EDNRB: variants seen among roughly 807,000 people sequenced by gnomAD.
EDNRB encodes the protein Hirschsprung disease 2.
Under a neutral mutation model 46.4 loss-of-function variants are expected in EDNRB, and 18 were observed. That is an observed-to-expected ratio of 0.39 (90% CI 0.27 to 0.57). The LOEUF is 0.57. Among genes scored for constraint, EDNRB ranks in the 20% least tolerant of loss-of-function variants. The pLI, the probability that EDNRB is intolerant of heterozygous loss-of-function variation, is 0.61. For synonymous variants in EDNRB, 213 were observed against 204.9 expected, an observed-to-expected ratio of 1.04 and a Z score of -0.34; for missense variants, 434 against 537.5, an observed-to-expected ratio of 0.81 and a Z score of 1.90.
At chr13:77,909,933 G>T (rs1236902097) in intron 1 of EDNRB, among the ~76,000 whole-genome samples, 1 of 151,926 alleles carries the variant, frequency 6.6e-6, no homozygotes, top group Admixed American at 6.6e-5. Flanking sequence ...TTGAGAGTGG[G>T]CTGGACTCTT....
upstream of EDNRB, among the ~76,000 whole-genome samples, chr13:77,920,257 T>A (rs371580205): frequency 8.7e-4 from 133 of 152,332 alleles, 3 homozygotes; most frequent in South Asian, 0.027. Flanking sequence ...ATTTACCAGG[T>A]AGAGCAATAC....
At chr13:77,929,762 G>A (rs916615077) in intron 1 of EDNRB, among the ~76,000 whole-genome samples, 1 of 152,140 alleles carries the variant, frequency 6.6e-6, no homozygotes, top group Non-Finnish European at 1.5e-5. Context: ...CTGACTCCTG[G>A]CCATTTACCT....
chr13:77,923,561 G>T (rs1460315897), upstream of EDNRB, among the ~76,000 whole-genome samples: 1 of 152,074 alleles, frequency 6.6e-6, no homozygotes, highest in Non-Finnish European at 1.5e-5. Flanking sequence ...GCACTCTTTG[G>T]GGAGTTGTTA....
At chr13:77,913,545 G>T (rs1270028647) in intron 1 of EDNRB, among the ~76,000 whole-genome samples, 1 of 152,182 alleles carries the variant, frequency 6.6e-6, no homozygotes, top group African/African-American at 2.4e-5. Flanking sequence ...CATAAAGGAA[G>T]CTATATTTGA....
intron 1 of EDNRB, among the ~76,000 whole-genome samples, chr13:77,906,451 T>G (rs964777498): frequency 1.1e-4 from 17 of 152,054 alleles, no homozygotes; most frequent in African/African-American, 3.9e-4. Context: ...TGATTTGTTT[T>G]CAATGAATAC....
At chr13:77,913,950 C>T (rs1428270732) in intron 1 of EDNRB, among the ~76,000 whole-genome samples, 2 of 152,180 alleles carry the variant, frequency 1.3e-5, no homozygotes, top group South Asian at 2.1e-4. Flanking sequence ...GTCAGGTAGT[C>T]AAGCACTGGC....
intron 1 of EDNRB, chr13:77,944,973 T>C (rs920957379): frequency 1.3e-5 from 2 of 152,192 alleles, no homozygotes; most frequent in Non-Finnish European, 2.9e-5. Context: ...TAGGTAATTG[T>C]GTTTTTTTAG....
At chr13:77,960,255 A>C (rs1881365273) in intron 1 of EDNRB, among the ~76,000 whole-genome samples, 1 of 152,226 alleles carries the variant, frequency 6.6e-6, no homozygotes, top group African/African-American at 2.4e-5. Flanking sequence ...CAAAGTTGAA[A>C]TGAAGGAAAA....
At chr13:77,944,894 AAAAGTTTT>A (rs1236729326) in intron 1 of EDNRB, 4 of 152,182 alleles carry the variant, frequency 2.6e-5, no homozygotes, top group African/African-American at 9.7e-5. Context: ...GACATGGGAG[AAAAGTTTT>A]AAAGTTAGTA....
chr13:77,931,646 GA>G (rs1404136611), intron 1 of EDNRB, among the ~76,000 whole-genome samples: 12 of 151,102 alleles, frequency 7.9e-5, no homozygotes, highest in African/African-American at 2.7e-4. Flanking sequence ...CCAAGAGAGG[GA>G]GAGAAGCACT....
chr13:77,956,644 G>A (rs1399695812), intron 1 of EDNRB, among the ~76,000 whole-genome samples: 1 of 152,170 alleles, frequency 6.6e-6, no homozygotes, highest in African/African-American at 2.4e-5. Flanking sequence ...TTATTATTGT[G>A]CAGTAGGTCA....
chr13:77,938,429 T>TG (rs937319044), intron 1 of EDNRB, among the ~76,000 whole-genome samples: 1 of 141,942 alleles, frequency 7.0e-6, no homozygotes, highest in Non-Finnish European at 1.5e-5. Flanking sequence ...AAGAAGGGGT[T>TG]GGGGGGTTCT....
intron 1 of EDNRB, among the ~76,000 whole-genome samples, chr13:77,951,802 A>C (rs971012355): frequency 6.6e-6 from 1 of 152,120 alleles, no homozygotes; most frequent in African/African-American, 2.4e-5. Context: ...TAACCCTCTT[A>C]GTCTTTAGGA....
upstream of EDNRB, chr13:77,919,795 A>G: frequency 1.7e-6 from 1 of 605,126 alleles, no homozygotes; most frequent in Non-Finnish European, 2.8e-6. Flanking sequence ...CGCTCTTCAA[A>G]TGAACCCAAA....
intron 1 of EDNRB, among the ~76,000 whole-genome samples, chr13:77,942,179 T>TG (rs934353705): frequency 5.3e-5 from 8 of 152,086 alleles, no homozygotes; most frequent in Non-Finnish European, 1.2e-4. Context: ...AAGCCTTGTC[T>TG]GGGAAAAAAA....
At chr13:77,959,772 A>C (rs1223695032) in intron 1 of EDNRB, among the ~76,000 whole-genome samples, 2 of 152,260 alleles carry the variant, frequency 1.3e-5, no homozygotes, top group Non-Finnish European at 2.9e-5. Context: ...CCCATCATAC[A>C]GAAGCTAAAA....
chr13:77,903,433 A>C lies in EDNRB; in HGVS notation c.596+62T>G. The C allele has an allele frequency of 8.7e-6, 14 of 1,610,024 alleles. No homozygotes were observed. The Middle Eastern group carries it at 1.8e-3, about 210-fold the overall frequency. ...TATTGAATTGCACAGTTTATTTTCT[A>C]AGTAACATGGAAAACAATAGTATAT... On this transcript the variant is annotated intron_variant, in intron 2 of 6. Coordinates refer to ENST00000646607, the MANE Select transcript of EDNRB (RefSeq NM_001122659.3).
chr13:77,966,005 T>C (rs907140267), intron 1 of EDNRB, among the ~76,000 whole-genome samples: 2 of 152,136 alleles, frequency 1.3e-5, no homozygotes, highest in South Asian at 2.1e-4. Context: ...GCCCCTCAGG[T>C]AGCTAAGACT....
In EDNRB at chr13:77,899,417, T is replaced by C. The variant is rs12720197; in HGVS notation, c.1194+442A>G. 362 of 56,406 alleles carry C rather than the reference T, an allele frequency of 6.4e-3. 2 individuals carry two copies. Among genetic ancestry groups the C allele is most frequent in the African/African-American group, 0.046 (349 of 7,584 alleles). The allele number at this position is 56,406 out of a possible 1,614,324, so 3.5% of individuals were successfully genotyped here. The stretch of plus-strand genomic sequence containing the variant: ...AGGAAGAAAGAGGTAAAACCTAAAC[T>C]ATTTTTTTTTTGTTTACCTTGCTAT... On this transcript the variant is annotated intron_variant, in intron 6 of 6. Transcript: ENST00000646607.
Sources: gnomAD v4.1 joint callset for allele counts (sites outside exome capture counted in the v4.1 genomes callset) on GRCh38, gnomAD v4.1.1 for gene constraint, MANE v1.5 for transcripts, NCBI Gene and HGNC (gene_info 2026-07-23, HGNC 2026-07-21) for gene names.